Variants in NAV2 observed in about 807,000 individuals in gnomAD.
NAV2 encodes helicase, APC down-regulated 1.
Under a neutral mutation model 223.2 loss-of-function variants are expected in NAV2, and 54 were observed. The observed-to-expected ratio is 0.24, with a 90% CI of 0.19 to 0.30. NAV2 has a LOEUF of 0.30. NAV2 is among the 10% of genes least tolerant of loss of function. NAV2 has a pLI of 1.00. For synonymous variants in NAV2, 1,279 were observed against 1,239.3 expected, an observed-to-expected ratio of 1.03 and a Z score of -0.67; for missense variants, 2,806 against 3,147.5, an observed-to-expected ratio of 0.89 and a Z score of 2.60.
At chr11:19,349,380 G>A (rs973433357), upstream of NAV2, among the ~76,000 whole-genome samples, 10 of 152,028 alleles carry the variant, frequency 6.6e-5, no homozygotes, top group African/African-American at 2.2e-4. Context: ...TCTCATGTCC[G>A]CCTCTTAACC....
intron 1 of NAV2, among the ~76,000 whole-genome samples, chr11:19,809,354 C>T (rs2058739990): frequency 6.6e-6 from 1 of 152,124 alleles, no homozygotes; most frequent in South Asian, 2.1e-4. Context: ...CACATGTTAT[C>T]CATGGAGGAT....
intron 1 of NAV2, among the ~76,000 whole-genome samples, chr11:19,390,044 C>T (rs763942143): frequency 1.3e-5 from 2 of 152,154 alleles, no homozygotes; most frequent in Non-Finnish European, 2.9e-5. Flanking sequence ...GCAAACATTC[C>T]AGGAAGGAAT....
At chr11:20,109,344 G>C (rs914442298) in intron 36 of NAV2, among the ~76,000 whole-genome samples, 3 of 152,178 alleles carry the variant, frequency 2.0e-5, no homozygotes, top group Non-Finnish European at 4.4e-5. Context: ...TAAAATCATT[G>C]GTTAGCAGAG....
Position 19,628,555 on chromosome 11 carries a change from C to T in NAV2, c.76-203929C>T, listed in dbSNP as rs567546160. Among the ~76,000 whole-genome samples the T allele has an allele frequency of 5.9e-5, 9 of 152,296 alleles. No individual in the cohort carries two copies. In the South Asian group the frequency reaches 1.0e-3, roughly 18 times the overall value. ...AAATGTACTCATGCATCCACGCTCA[C>T]GTGGCCATGCACTCATCTACATTCA... On this transcript the variant is annotated intron_variant, in intron 1 of 37. Coordinates refer to the NAV2 transcript ENST00000360655.
At chr11:20,059,947 A>G (rs143158348) in intron 19 of NAV2, among the ~76,000 whole-genome samples, 1 of 152,348 alleles carries the variant, frequency 6.6e-6, no homozygotes, top group Admixed American at 6.5e-5. Context: ...GCAATGGTTC[A>G]GGTAAAACAC....
chr11:19,837,580 CACA>C (rs918343711), intron 2 of NAV2, among the ~76,000 whole-genome samples: 1 of 152,178 alleles, frequency 6.6e-6, no homozygotes, highest in South Asian at 2.1e-4. Context: ...CTGAGAAGAA[CACA>C]ACATCAGTTA....
chr11:19,825,636 T>G lies in NAV2; in HGVS notation c.268-6848T>G, dbSNP rs187321545. Among the ~76,000 whole-genome samples, 84 of 152,352 alleles carry G rather than the reference T, an allele frequency of 5.5e-4. 1 individual carries two copies. The East Asian group carries it at 0.014, about 26-fold the overall frequency. On this transcript the variant is annotated intron_variant, in intron 1 of 37. Coordinates refer to ENST00000349880, the MANE Select transcript of NAV2 (RefSeq NM_145117.5). ...TGCAGTTGTTTTGCAGAATTTTTCT[T>G]GGGTTCTTTAGTGCTACCCGGCTTC... is the stretch of plus-strand genomic sequence containing the variant.
At chr11:19,584,135 A>G (rs942679163) in intron 1 of NAV2, among the ~76,000 whole-genome samples, 1 of 152,098 alleles carries the variant, frequency 6.6e-6, no homozygotes, top group Admixed American at 6.5e-5. Flanking sequence ...GAATTTATCC[A>G]TTTCTTCCAG....
At chr11:20,049,695 G>A (rs1416013348) in intron 15 of NAV2, 141 bp from the exon 16 acceptor site, 1 of 770,264 alleles carries the variant, frequency 1.3e-6, no homozygotes, top group Non-Finnish European at 2.2e-6. Flanking sequence ...CTCTGCAGCA[G>A]GGATAAATGT....
chr11:20,066,906 A>T (rs59880581), intron 20 of NAV2, among the ~76,000 whole-genome samples: 32,638 of 152,000 alleles, frequency 0.21, 4,007 homozygotes, highest in East Asian at 0.5. Flanking sequence ...AACACTCAAC[A>T]TTTCCAGGAA....
intron 1 of NAV2, among the ~76,000 whole-genome samples, chr11:19,622,569 G>A (rs1487755002): frequency 1.3e-5 from 2 of 152,118 alleles, no homozygotes; most frequent in African/African-American, 4.8e-5. Context: ...TCAGAGACTA[G>A]GATTGCAACC....
chr11:19,492,249 G>A (rs2042654196), intron 1 of NAV2, among the ~76,000 whole-genome samples: 1 of 151,542 alleles, frequency 6.6e-6, no homozygotes, highest in Admixed American at 6.6e-5. Context: ...GGATTTGCTA[G>A]ACATAGGGTT....
intron 1 of NAV2, among the ~76,000 whole-genome samples, chr11:19,635,326 A>T (rs1293003593): frequency 6.6e-6 from 1 of 152,160 alleles, no homozygotes; most frequent in Non-Finnish European, 1.5e-5. Flanking sequence ...TGCTTTTTAG[A>T]CCAATTACTC....
chr11:19,707,396 T>A (rs918104313), intron 1 of NAV2, among the ~76,000 whole-genome samples: 2 of 152,252 alleles, frequency 1.3e-5, no homozygotes, highest in African/African-American at 2.4e-5. Flanking sequence ...TTCTATTAGT[T>A]ATTTTTTTAA....
At chr11:19,709,352 C>T (rs566000714), upstream of NAV2, among the ~76,000 whole-genome samples, 8 of 151,930 alleles carry the variant, frequency 5.3e-5, 2 homozygotes, top group Admixed American at 3.9e-4. Flanking sequence ...ACCATCCTGG[C>T]TAACATGGTG....
upstream of NAV2, among the ~76,000 whole-genome samples, chr11:19,346,054 T>C (rs940008513): frequency 2.0e-5 from 3 of 152,138 alleles, no homozygotes; most frequent in Non-Finnish European, 4.4e-5. Flanking sequence ...TGTGTGCTAG[T>C]CTTTAGGTGT....
intron 3 of NAV2, among the ~76,000 whole-genome samples, chr11:19,862,540 C>T (rs1027388000): frequency 6.6e-6 from 1 of 152,216 alleles, no homozygotes; most frequent in Non-Finnish European, 1.5e-5. Context: ...GAGTAGCTTA[C>T]ATTACAGAAG....
chr11:19,464,660 C>T (rs1852287042), intron 1 of NAV2, among the ~76,000 whole-genome samples: 1 of 152,206 alleles, frequency 6.6e-6, no homozygotes, highest in African/African-American at 2.4e-5. Context: ...GGATTTCAAT[C>T]AGCAAATTTG....
At chr11:19,568,576 GT>G (rs2045336114) in intron 1 of NAV2, among the ~76,000 whole-genome samples, 1 of 152,210 alleles carries the variant, frequency 6.6e-6, no homozygotes, top group Non-Finnish European at 1.5e-5. Flanking sequence ...CTGGAGCACT[GT>G]TTGTGTCAGA....
Sources: allele counts gnomAD v4.1 joint callset (sites outside exome capture counted in the v4.1 genomes callset), GRCh38; gene constraint gnomAD v4.1.1; transcripts MANE v1.5; gene names NCBI Gene and HGNC (gene_info 2026-07-23, HGNC 2026-07-21).